CEP15: variants seen among roughly 807,000 people sequenced by gnomAD.
The protein encoded by CEP15 is centrosomal protein 15 kDa.
chr3:62,335,171 A>AAAT, the CEP15 span: 10 of 152,142 alleles, frequency 6.6e-5, no homozygotes, highest in African/African-American at 2.4e-4. Flanking sequence ...GGTTAGATAA[A>AAAT]AATACAAAAC....
At chr3:62,335,297 G>A in the CEP15 span, 1 of 151,770 alleles carries the variant, frequency 6.6e-6, no homozygotes, top group Non-Finnish European at 1.5e-5. Flanking sequence ...TACGATCGAG[G>A]GCAGAAGGGA....
chr3:62,321,585 G>A, the CEP15 span, among the ~76,000 whole-genome samples: 1 of 151,772 alleles, frequency 6.6e-6, no homozygotes, highest in Non-Finnish European at 1.5e-5. This position sits in a 1 kb window ranked among gnomAD's most constrained non-coding sequence, Gnocchi z 4.1. Context: ...GTGTACAAAG[G>A]GATATGTATT....
the CEP15 span, among the ~76,000 whole-genome samples, chr3:62,330,183 C>T: frequency 6.6e-6 from 1 of 152,096 alleles, no homozygotes; most frequent in Non-Finnish European, 1.5e-5. Flanking sequence ...CTTGCTCCCG[C>T]CGCTACCATC....
the CEP15 span, among the ~76,000 whole-genome samples, chr3:62,327,398 T>A: frequency 6.6e-6 from 1 of 152,238 alleles, no homozygotes; most frequent in Admixed American, 6.5e-5. Flanking sequence ...ATTCTTTTTC[T>A]TACTAAGCCT....
the CEP15 span, chr3:62,333,749 G>A: frequency 1.3e-5 from 2 of 158,380 alleles, no homozygotes; most frequent in African/African-American, 4.9e-5. The surrounding 1 kb of genome is among the most constrained non-coding windows in gnomAD (Gnocchi z 4.0). Flanking sequence ...AAGTTTTTTA[G>A]AATCCTTACT....
chr3:62,322,579 C>A, the CEP15 span: 1 of 152,358 alleles, frequency 6.6e-6, no homozygotes, highest in Non-Finnish European at 1.5e-5. The surrounding 1 kb of genome is among the most constrained non-coding windows in gnomAD (Gnocchi z 5.5). Flanking sequence ...TTGTGCGGGG[C>A]CTCACCATTT....
the CEP15 span, among the ~76,000 whole-genome samples, chr3:62,327,908 G>A: frequency 6.6e-6 from 1 of 152,148 alleles, no homozygotes; most frequent in Non-Finnish European, 1.5e-5. Flanking sequence ...TATGCCTGAT[G>A]TGTCCCATTT....
At chr3:62,333,272 A>G in the CEP15 span, 6 of 1,609,548 alleles carry the variant, frequency 3.7e-6, no homozygotes, top group Admixed American at 1.7e-5. The surrounding 1 kb of genome is among the most constrained non-coding windows in gnomAD (Gnocchi z 4.0). Context: ...ACTGGGCATC[A>G]GTAGAAGAAT....
the CEP15 span, among the ~76,000 whole-genome samples, chr3:62,323,584 A>T: frequency 2.0e-5 from 3 of 152,212 alleles, no homozygotes; most frequent in Non-Finnish European, 2.9e-5. Context: ...AGACTTATAT[A>T]AGAAATAAAT....
chr3:62,331,507 G>A, the CEP15 span: 12 of 950,818 alleles, frequency 1.3e-5, no homozygotes, highest in Non-Finnish European at 1.9e-5. Flanking sequence ...TATTTATTCA[G>A]TAAATTAAAG....
chr3:62,322,198 G>C, the CEP15 span: 1 of 827,276 alleles, frequency 1.2e-6, no homozygotes. The surrounding 1 kb of genome is among the most constrained non-coding windows in gnomAD (Gnocchi z 5.5). Context: ...AAAAGCCCAT[G>C]TCAGTTAGAT....
chr3:62,332,244 C>T, the CEP15 span, among the ~76,000 whole-genome samples: 2 of 152,160 alleles, frequency 1.3e-5, no homozygotes, highest in Admixed American at 6.6e-5. Context: ...CCACGGGCCT[C>T]AGATGGTATT....
At chr3:62,328,618 C>G in the CEP15 span, among the ~76,000 whole-genome samples, 1 of 152,170 alleles carries the variant, frequency 6.6e-6, no homozygotes, top group Non-Finnish European at 1.5e-5. Flanking sequence ...TAAGCATTGC[C>G]TCCCTTTTCG....
At chr3:62,326,356 C>CTT in the CEP15 span, among the ~76,000 whole-genome samples, 1 of 152,144 alleles carries the variant, frequency 6.6e-6, no homozygotes, top group Non-Finnish European at 1.5e-5. Flanking sequence ...GCTTTAGTAT[C>CTT]TTATTTTTTC....
chr3:62,331,446 T>TATCA, the CEP15 span: 16 of 1,425,744 alleles, frequency 1.1e-5, no homozygotes, highest in Non-Finnish European at 1.6e-5. Context: ...CCTATCTATC[T>TATCA]ATCAGTAGTG....
chr3:62,321,667 G>A, the CEP15 span, among the ~76,000 whole-genome samples: 1 of 151,752 alleles, frequency 6.6e-6, no homozygotes, highest in African/African-American at 2.4e-5. This position sits in a 1 kb window ranked among gnomAD's most constrained non-coding sequence, Gnocchi z 4.1. Flanking sequence ...GACCAGAGAG[G>A]CTAAAAAAAC....
the CEP15 span, chr3:62,319,901 T>C: frequency 7.2e-5 from 11 of 152,490 alleles, no homozygotes; most frequent in South Asian, 4.1e-4. Flanking sequence ...ATGAGAGTGC[T>C]TAGCAGCCAG....
the CEP15 span, chr3:62,322,076 TAGAG>T: frequency 1.3e-6 from 2 of 1,596,054 alleles, no homozygotes; most frequent in Non-Finnish European, 1.7e-6. The surrounding 1 kb of genome is among the most constrained non-coding windows in gnomAD (Gnocchi z 5.5). Context: ...GACTTGAATA[TAGAG>T]ATTTATCCCA....
chr3:62,320,754 C>G, the CEP15 span, among the ~76,000 whole-genome samples: 1 of 151,938 alleles, frequency 6.6e-6, no homozygotes, highest in Non-Finnish European at 1.5e-5. Context: ...TAAATTTGCC[C>G]CTCCTCCCAC....
Sources: gnomAD v4.1 joint callset for allele counts (sites outside exome capture counted in the v4.1 genomes callset) on GRCh38, gnomAD v4.1.1 for gene constraint, Gnocchi (gnomAD v3.1) non-coding constraint, MANE v1.5 for transcripts, NCBI Gene and HGNC (gene_info 2026-07-23, HGNC 2026-07-21) for gene names.